Variants in DLEC1 observed in about 807,000 individuals in gnomAD.
DLEC1 encodes DLEC1 cilia and flagella associated protein.
A neutral mutation model predicts 198.1 loss-of-function variants in DLEC1; 146 were observed. The observed-to-expected ratio is 0.74, with a 90% confidence interval of 0.64 to 0.85. The LOEUF (loss-of-function observed/expected upper bound fraction) is 0.85. Among genes scored for constraint, DLEC1 ranks in the 40% least tolerant of loss-of-function variants. The probability of loss-of-function intolerance (pLI) is 0.00; values close to 1 mark genes in which losing one functional copy is unlikely to be tolerated. For synonymous variants in DLEC1, 897 were observed against 866.8 expected, an observed-to-expected ratio of 1.03 and a Z score of -0.61; for missense variants, 2,233 against 2,220.0, an observed-to-expected ratio of 1.01 and a Z score of -0.12.
intron 6 of DLEC1, among the ~76,000 whole-genome samples, chr3:38,066,656 T>C (rs186284592): frequency 1.8e-4 from 28 of 152,332 alleles, no homozygotes; most frequent in Non-Finnish European, 2.9e-4. Context: ...CCAACTCTGC[T>C]CACCAGGTAC....
At chr3:38,040,516 C>T (rs1034316873) in intron 1 of DLEC1, among the ~76,000 whole-genome samples, 7 of 152,180 alleles carry the variant, frequency 4.6e-5, no homozygotes, top group Non-Finnish European at 7.3e-5. Flanking sequence ...GGACCAGTCT[C>T]GCCGCCTCCA....
chr3:38,074,322 T>C (rs1465392309), intron 6 of DLEC1, among the ~76,000 whole-genome samples: 1 of 152,224 alleles, frequency 6.6e-6, no homozygotes, highest in East Asian at 1.9e-4. Flanking sequence ...TAATTCCTGT[T>C]TGTGGGGTTT....
rs1698306246 is a variant in DLEC1 at position 38,084,524 on chromosome 3, A to AGTAGTAGTGGTGGTG, written c.1261+288_1261+302dup. Among the ~76,000 whole-genome samples the AGTAGTAGTGGTGGTG allele has an allele frequency of 8.1e-5, 2 of 24,688 alleles. 1 individual carries two copies. The allele number at this position is 24,688 out of a possible 152,430, so 16.2% of individuals were successfully genotyped here. On this transcript the variant is annotated intron_variant, in intron 7 of 36. Coordinates refer to ENST00000308059, the MANE Select transcript of DLEC1 (RefSeq NM_007335.4). ...TAGTGGTAGTAGTAGTAGTGGTAGT[A>AGTAGTAGTGGTGGTG]GTAGTAGTGGTGGTGGTAGTAGTAG...
chr3:38,087,279 C>T (rs1474629063), intron 9 of DLEC1, among the ~76,000 whole-genome samples: 2 of 141,270 alleles, frequency 1.4e-5, no homozygotes, highest in East Asian at 2.0e-4. Context: ...AGCATGCTCA[C>T]ACCATCCATC....
chr3:38,098,884 C>T (rs1156663121), intron 18 of DLEC1, among the ~76,000 whole-genome samples: 1 of 152,138 alleles, frequency 6.6e-6, no homozygotes, highest in East Asian at 1.9e-4. Context: ...ACGCCATTGC[C>T]AAGTACCTGT....
Position 38,085,461 on chromosome 3 carries a change from G to A in DLEC1, c.1435+14G>A, listed in dbSNP as rs778048671. The A allele has an allele frequency of 3.2e-5, 51 of 1,612,490 alleles. No homozygotes were observed. The highest frequency in any genetic ancestry group is 1.8e-4 in the East Asian group (8 of 44,868). ...CCGTGCTGACATGTGAGTGTGCACC[G>A]TAGCTTCCCACAGATTCAGTTAAGG... is the stretch of plus-strand genomic sequence containing the variant. On this transcript the variant is annotated intron_variant, in intron 8 of 36. Transcript: ENST00000308059.
intron 6 of DLEC1, among the ~76,000 whole-genome samples, chr3:38,071,481 A>C (rs895179499): frequency 6.6e-6 from 1 of 152,224 alleles, no homozygotes; most frequent in Admixed American, 6.5e-5. Flanking sequence ...TGAGGCTGGA[A>C]GGAGGTATTT....
chr3:38,102,186 G>A (rs1699340943), intron 19 of DLEC1, among the ~76,000 whole-genome samples: 1 of 151,934 alleles, frequency 6.6e-6, no homozygotes, highest in South Asian at 2.1e-4. Context: ...ATTGACAAGG[G>A]CCCTTCGCAC....
Position 38,093,758 on chromosome 3 carries a change from G to A in DLEC1, c.1910G>A (p.Arg637Lys). ...RSTARKQLII[R>K]NATHVELAFY... is the part of the protein sequence containing the mutation. ...ACGGCTAGGAAGCAGCTGATTATTAGAAATGCTACGTGGGTAACCCCTGTG... is the reference window on the plus strand; with the variant it reads ...ACGGCTAGGAAGCAGCTGATTATTAAAAATGCTACGTGGGTAACCCCTGTG... The change falls in exon 12 of 37, where the codon AGA becomes AAA. Residue 637 changes from arginine to lysine, a missense_variant. By Grantham distance (26) the Arg-to-Lys change is conservative. Coordinates refer to ENST00000308059, the MANE Select transcript of DLEC1 (RefSeq NM_007335.4). 6.2e-7 allele frequency: 1 copy of A among 1,614,084 alleles called. No individual in the cohort carries two copies. Among genetic ancestry groups the A allele is most frequent in the Non-Finnish European group, 8.5e-7 (1 of 1,180,028 alleles).
At chr3:38,095,172 C>T (rs945109831) in intron 13 of DLEC1, 101 bp downstream of exon 13, 33 of 1,453,764 alleles carry the variant, frequency 2.3e-5, no homozygotes, top group Non-Finnish European at 2.5e-5. Context: ...CTGGGCCCAC[C>T]GAGGTGCTAT....
rs767066313 is a variant in DLEC1, at chr3:38,123,156, G to T, written c.*744G>T. The T allele has an allele frequency of 4.4e-6, 7 of 1,605,804 alleles. No individual in the cohort carries two copies. The highest frequency in any genetic ancestry group is 2.7e-5 in the African/African-American group (2 of 74,860). ...ACAAAACTTAATTGGCTGGGCAAAG[G>T]CACCCACCAAATTACCTCCAGACCA... On this transcript the variant is annotated 3_prime_UTR_variant, in exon 37 of 37. Transcript: ENST00000308059.
At chr3:38,059,198 G>A (rs1696544909) in intron 2 of DLEC1, among the ~76,000 whole-genome samples, 1 of 152,158 alleles carries the variant, frequency 6.6e-6, no homozygotes, top group Admixed American at 6.5e-5. Flanking sequence ...CTCCTTCGTA[G>A]GTCAGGCTCA....
intron 2 of DLEC1, among the ~76,000 whole-genome samples, chr3:38,058,209 C>G (rs1272943342): frequency 6.6e-6 from 1 of 152,206 alleles, no homozygotes; most frequent in Non-Finnish European, 1.5e-5. Flanking sequence ...TATTTGCTTA[C>G]TCCATTCACT....
At chr3:38,077,174 T>C (rs991024682) in intron 6 of DLEC1, among the ~76,000 whole-genome samples, 23 of 152,166 alleles carry the variant, frequency 1.5e-4, no homozygotes, top group African/African-American at 5.3e-4. Context: ...AGTTTGGGGA[T>C]AGCACGAGGA....
chr3:38,063,565 C>T (rs34929846), intron 5 of DLEC1, among the ~76,000 whole-genome samples: 54 of 152,308 alleles, frequency 3.5e-4, no homozygotes, highest in African/African-American at 1.2e-3. Context: ...TAAAAACCCA[C>T]TTACTTATTG....
intron 33 of DLEC1, among the ~76,000 whole-genome samples, chr3:38,119,353 A>G (rs1700338448): frequency 6.6e-6 from 1 of 151,890 alleles, no homozygotes; most frequent in African/African-American, 2.4e-5. Context: ...TGTCTCAGCA[A>G]ATACCAACCC....
chr3:38,054,762 G>T (rs1240165599), intron 2 of DLEC1, among the ~76,000 whole-genome samples: 1 of 152,178 alleles, frequency 6.6e-6, no homozygotes, highest in Non-Finnish European at 1.5e-5. Context: ...AGCACACCCA[G>T]GTCTCTCTGG....
chr3:38,120,720 C>T lies in DLEC1; in HGVS notation c.4866+111C>T, dbSNP rs1052465979. On this transcript the variant is annotated intron_variant, in intron 34 of 36. Transcript: ENST00000308059. ...CAGGGCCCTCAGAAATAAGGAGCCC[C>T]TGCCCCTGTCCTGGGGCTCAGTCTC... The T allele has an allele frequency of 1.5e-5, 21 of 1,436,400 alleles. No individual in the cohort carries two copies. In the South Asian group the frequency reaches 1.5e-4, roughly 10 times the overall value. The allele number at this position is 1,436,400 out of a possible 1,614,324, so 89.0% of individuals were successfully genotyped here.
Position 38,122,362 on chromosome 3 carries a change from C to T in DLEC1, c.5218C>T (p.Arg1740Trp), listed in dbSNP as rs377210107. 35 of 1,614,060 alleles carry T rather than the reference C, an allele frequency of 2.2e-5. 1 individual carries two copies. The highest frequency in any genetic ancestry group is 1.2e-4 in the South Asian group (11 of 91,092). ...LGEKSCTLRL[R>W]GQGSYDERYM... The stretch of plus-strand genomic sequence containing the variant: ...TGAGAAGTCCTGCACCCTGCGGCTC[C>T]GGGGCCAAGGCTCCTATGATGAGAG... The change falls in exon 37 of 37, where the codon CGG (arginine) becomes TGG (tryptophan). Residue 1740 changes from arginine (R) to tryptophan (W), a missense_variant. Transcript: ENST00000308059.
Sources: allele counts gnomAD v4.1 joint callset (sites outside exome capture counted in the v4.1 genomes callset), GRCh38; gene constraint gnomAD v4.1.1; transcripts MANE v1.5; gene names NCBI Gene and HGNC (gene_info 2026-07-23, HGNC 2026-07-21).